CCDC69: variants seen among roughly 807,000 people sequenced by gnomAD.
CCDC69 encodes coiled-coil domain-containing protein 69.
In CCDC69, 38 loss-of-function variants were observed where a neutral mutation model predicts 40.3. That is an observed-to-expected ratio of 0.94 (90% CI 0.73 to 1.24). The LOEUF (loss-of-function observed/expected upper bound fraction) is 1.24. Ranked by LOEUF, CCDC69 falls within the 50% of genes most tolerant of loss-of-function variation. The pLI is 0.00. For synonymous variants in CCDC69, 141 were observed against 138.9 expected, an observed-to-expected ratio of 1.02 and a Z score of -0.11; for missense variants, 389 against 357.9, an observed-to-expected ratio of 1.09 and a Z score of -0.70.
intron 1 of CCDC69, among the ~76,000 whole-genome samples, chr5:151,212,465 G>A (rs1752967983): frequency 6.6e-6 from 1 of 152,196 alleles, no homozygotes; most frequent in South Asian, 2.1e-4. Context: ...TCAACCTGAA[G>A]CAAACCTGAG....
chr5:151,192,382 A>T (rs1366948440), intron 4 of CCDC69, among the ~76,000 whole-genome samples: 1 of 152,002 alleles, frequency 6.6e-6, no homozygotes, highest in African/African-American at 2.4e-5. Flanking sequence ...AATGATATTA[A>T]GGAAATATGC....
chr5:151,186,002 G>A (rs777234571), intron 6 of CCDC69, 21 bp downstream of exon 6: 13 of 1,557,736 alleles, frequency 8.3e-6, no homozygotes, highest in Admixed American at 1.7e-5. Context: ...GAGGAAAAGC[G>A]CCCAGGGTGC....
chr5:151,223,659 CT>C (rs1561607527), intron 1 of CCDC69, among the ~76,000 whole-genome samples: 1 of 152,246 alleles, frequency 6.6e-6, no homozygotes, highest in Non-Finnish European at 1.5e-5. Flanking sequence ...CACACGACAT[CT>C]CCCCACCCGA....
At chr5:151,202,045 C>G (rs1752782971) in intron 2 of CCDC69, among the ~76,000 whole-genome samples, 1 of 152,100 alleles carries the variant, frequency 6.6e-6, no homozygotes. Flanking sequence ...TCTCCCTGTT[C>G]TACCCCATTT....
chr5:151,224,041 C>G lies in CCDC69; in HGVS notation c.-71G>C, dbSNP rs911331693. Reference sequence around the variant, plus strand: ...CCAGAGGAGCCTGCGATCCGGGCCCCGCTGCCCGCTCCGCGCCCGCCGGCT... The same window carrying G: ...CCAGAGGAGCCTGCGATCCGGGCCCGGCTGCCCGCTCCGCGCCCGCCGGCT... On this transcript the variant is annotated 5_prime_UTR_variant, in exon 1 of 9. Transcript: ENST00000355417. The G allele has an allele frequency of 9.5e-6, 13 of 1,365,910 alleles. No individual in the cohort carries two copies. The highest frequency in any genetic ancestry group is 9.8e-7 in the Non-Finnish European group (1 of 1,017,886). The allele number at this position is 1,365,910 out of a possible 1,614,324, so 84.6% of individuals were successfully genotyped here. A position where few individuals can be genotyped will look rare whatever the true frequency, so the allele number is the denominator to read the frequency against.
intron 6 of CCDC69, 110 bp from the exon 7 acceptor site, chr5:151,185,651 GC>G: frequency 1.7e-6 from 2 of 1,152,654 alleles, no homozygotes; most frequent in Non-Finnish European, 2.5e-6. Flanking sequence ...TCCTCTCTCA[GC>G]CCATGTTAAG....
At chr5:151,197,291 G>T (rs1246794672) in intron 4 of CCDC69, among the ~76,000 whole-genome samples, 1 of 152,224 alleles carries the variant, frequency 6.6e-6, no homozygotes, top group Non-Finnish European at 1.5e-5. Flanking sequence ...ACTTTGGGAG[G>T]CCGAGGTGGG....
intron 4 of CCDC69, among the ~76,000 whole-genome samples, chr5:151,197,551 A>G (rs550168230): frequency 2.0e-5 from 3 of 152,092 alleles, no homozygotes; most frequent in Non-Finnish European, 2.9e-5. Context: ...AACAAAAAAA[A>G]CAAAAACAAA....
At chr5:151,184,072 C>T (rs1011199698) in intron 8 of CCDC69, among the ~76,000 whole-genome samples, 4 of 152,132 alleles carry the variant, frequency 2.6e-5, no homozygotes, top group African/African-American at 9.7e-5. Context: ...TATAAATTTC[C>T]TGTTTCCTCC....
rs539260935 is a variant in CCDC69 at position 151,185,095 on chromosome 5, C to T, written c.615+327G>A. Reference sequence around the variant, plus strand: ...ACACAGGAGGCCAGGGAGACTTCTACAGCAACATAATCTCTGCTTAGATTC... The same window carrying T: ...ACACAGGAGGCCAGGGAGACTTCTATAGCAACATAATCTCTGCTTAGATTC... On this transcript the variant is annotated intron_variant, in intron 7 of 8. Transcript: ENST00000355417. 70 of 195,796 alleles carry T rather than the reference C, an allele frequency of 3.6e-4. 1 individual carries two copies. Among genetic ancestry groups the T allele is most frequent in the African/African-American group, 1.6e-3 (68 of 42,598 alleles). The allele number at this position is 195,796 out of a possible 1,614,324, so 12.1% of individuals were successfully genotyped here. A position where few individuals can be genotyped will look rare whatever the true frequency, so the allele number is the denominator to read the frequency against.
intron 1 of CCDC69, among the ~76,000 whole-genome samples, chr5:151,208,737 C>T (rs11167540): frequency 0.13 from 19,343 of 152,270 alleles, 1,368 homozygotes; most frequent in Middle Eastern, 0.23. Context: ...CTTGTTGCCA[C>T]GACTGATTAG....
chr5:151,215,080 G>A (rs778223290), intron 1 of CCDC69, among the ~76,000 whole-genome samples: 21 of 152,230 alleles, frequency 1.4e-4, no homozygotes, highest in Admixed American at 2.6e-4. Context: ...GGGTCAGCCT[G>A]GCAGGCAGGA....
At chr5:151,200,919 C>T (rs1053682945) in intron 3 of CCDC69, among the ~76,000 whole-genome samples, 4 of 152,180 alleles carry the variant, frequency 2.6e-5, no homozygotes, top group Admixed American at 1.3e-4. Flanking sequence ...CTTATATTTG[C>T]AGTAAGTATT....
At chr5:151,211,837 T>G (rs1752955172) in intron 1 of CCDC69, among the ~76,000 whole-genome samples, 1 of 152,064 alleles carries the variant, frequency 6.6e-6, no homozygotes, top group Admixed American at 6.5e-5. Context: ...ATCTCCATCT[T>G]TAGCAGTCTA....
Position 151,224,079 on chromosome 5 carries a change from G to C in CCDC69, c.-109C>G. On this transcript the variant is annotated 5_prime_UTR_variant, in exon 1 of 9. Coordinates refer to ENST00000355417, the MANE Select transcript of CCDC69 (RefSeq NM_015621.3). Reference sequence around the variant, plus strand: ...GCGCCCGCCGGCTGGGGCTGCCGGCGAGACCCTGAAACTGAACCTGGAAGC... The same window carrying C: ...GCGCCCGCCGGCTGGGGCTGCCGGCCAGACCCTGAAACTGAACCTGGAAGC... 1.0e-6 allele frequency: 1 copy of C among 1,002,026 alleles called. No individual in the cohort carries two copies. The highest frequency in any genetic ancestry group is 1.4e-6 in the Non-Finnish European group (1 of 714,418). The allele number at this position is 1,002,026 out of a possible 1,614,324, so 62.1% of individuals were successfully genotyped here.
At chr5:151,185,802 T>C (rs569436688) in intron 6 of CCDC69, among the ~76,000 whole-genome samples, 3 of 152,362 alleles carry the variant, frequency 2.0e-5, no homozygotes, top group Admixed American at 6.5e-5. Flanking sequence ...CCTAGTTCTC[T>C]CTGAATCCAG....
chr5:151,186,264 C>T, intron 5 of CCDC69, 140 bp from the exon 6 acceptor site: 1 of 664,046 alleles, frequency 1.5e-6, no homozygotes, highest in Non-Finnish European at 2.8e-6. Flanking sequence ...GCAACATCAA[C>T]ATACTTCGAC....
At chr5:151,221,613 G>T (rs1753135904) in intron 1 of CCDC69, among the ~76,000 whole-genome samples, 1 of 152,236 alleles carries the variant, frequency 6.6e-6, no homozygotes, top group South Asian at 2.1e-4. Flanking sequence ...CCACCAACTG[G>T]CTGTGTGACT....
rs879383185 is a variant in CCDC69 at position 151,201,521 on chromosome 5, T to G, written c.231+61A>C. 3.5e-6 allele frequency: 4 copies of G among 1,146,320 alleles called. No individual in the cohort carries two copies. In the Admixed American group the frequency reaches 5.7e-5, roughly 16 times the overall value. The allele number at this position is 1,146,320 out of a possible 1,614,324, so 71.0% of individuals were successfully genotyped here. A position where few individuals can be genotyped will look rare whatever the true frequency, so the allele number is the denominator to read the frequency against. ...AAAAACCTAAGGTAGGCACTCACTC[T>G]GGGATTCACCAAAGTTAGCTGAGCA... On this transcript the variant is annotated intron_variant, in intron 3 of 8. Transcript: ENST00000355417.
Sources: gnomAD v4.1 joint callset for allele counts (sites outside exome capture counted in the v4.1 genomes callset) on GRCh38, gnomAD v4.1.1 for gene constraint, MANE v1.5 for transcripts, NCBI Gene and HGNC (gene_info 2026-07-23, HGNC 2026-07-21) for gene names.